Variants in AFF2 observed in about 807,000 individuals in gnomAD.
AFF2 encodes AF4/FMR2 family member 2.
AFF2 carries 14 observed loss-of-function variants against 76.9 expected under a neutral mutation model. The ratio of observed to expected loss-of-function variants is 0.18; its 90% confidence interval spans 0.12 to 0.28. The LOEUF (loss-of-function observed/expected upper bound fraction) is 0.28, where lower values mean the gene tolerates loss of function less well. Ranked by LOEUF, AFF2 falls within the 10% of genes least tolerant of loss-of-function variation. The probability of loss-of-function intolerance (pLI) is 1.00; values close to 1 mark genes in which losing one functional copy is unlikely to be tolerated. For synonymous variants in AFF2, 398 were observed against 366.7 expected, an observed-to-expected ratio of 1.09 and a Z score of -0.98; for missense variants, 868 against 1,001.1, an observed-to-expected ratio of 0.87 and a Z score of 1.79.
chrX:148,628,101 C>CAG (rs1557252362), intron 1 of AFF2, among the ~76,000 whole-genome samples: 1 of 111,166 alleles, frequency 9.0e-6, no homozygotes, highest in Non-Finnish European at 1.9e-5. Context: ...CAGCAGAATT[C>CAG]AGAGCTGGTG....
chrX:148,986,950 T>C (rs559530663), intron 19 of AFF2, among the ~76,000 whole-genome samples: 2 of 111,644 alleles, frequency 1.8e-5, no homozygotes, highest in Admixed American at 9.5e-5. Flanking sequence ...ACAAAAGCAG[T>C]GGTGTGCATG....
Position 148,652,118 on chromosome X carries a change from A to C in AFF2, c.167A>C (p.Lys56Thr). Residue 56 changes from lysine to threonine, a missense_variant, in exon 2 of 21, where the codon AAG becomes ACG. Lys to Thr is a moderately conservative substitution (Grantham distance 78). Transcript: ENST00000370460. The part of the protein sequence containing the change: ...SGFDLFGEPY[K>T]VAEYTNKGDA... ...TTTGATCTTTTTGGGGAGCCATACA[A>C]GGTAGCTGAATATGTATGTAATTTT... 1 of 1,196,796 alleles carries C rather than the reference A, an allele frequency of 8.4e-7. No homozygotes were observed. The highest frequency in any genetic ancestry group is 1.1e-6 in the Non-Finnish European group (1 of 885,811).
At chrX:148,537,868 C>T (rs782406010) in intron 1 of AFF2, among the ~76,000 whole-genome samples, 3 of 112,070 alleles carry the variant, frequency 2.7e-5, no homozygotes, top group South Asian at 7.4e-4. Flanking sequence ...CCCCATCAGT[C>T]GCATCAAGAT....
intron 1 of AFF2, chrX:148,547,501 C>A (rs1187436244): frequency 8.9e-6 from 1 of 112,080 alleles, no homozygotes; most frequent in African/African-American, 3.2e-5. Flanking sequence ...TGGCTGGCTG[C>A]AGACAGGCAG....
intron 3 of AFF2, among the ~76,000 whole-genome samples, chrX:148,675,839 C>G (rs1344126902): frequency 9.1e-6 from 1 of 109,586 alleles, no homozygotes; most frequent in Non-Finnish European, 1.9e-5. Context: ...AGATAAGAAG[C>G]TCTAACTTCC....
intron 7 of AFF2, among the ~76,000 whole-genome samples, chrX:148,884,720 G>T (rs1011234576): frequency 1.1e-4 from 12 of 112,511 alleles, no homozygotes; most frequent in Admixed American, 7.5e-4. Context: ...GGGAATTACG[G>T]ACTAGTGGGG....
chrX:148,809,585 T>C (rs782659234), intron 3 of AFF2, among the ~76,000 whole-genome samples: 3 of 111,671 alleles, frequency 2.7e-5, no homozygotes, highest in Non-Finnish European at 1.9e-5. Context: ...GAGATCAAGC[T>C]CTCTTTGGAT....
At chrX:148,651,608 T>C (rs1402036621) in intron 1 of AFF2, among the ~76,000 whole-genome samples, 1 of 111,941 alleles carries the variant, frequency 8.9e-6, no homozygotes, top group African/African-American at 3.2e-5. Flanking sequence ...CCTTAGGACT[T>C]TGTGACATCT....
rs549267785 is a variant in AFF2 at position 148,931,946 on chromosome X, C to T, written c.1398-21634C>T. On this transcript the variant is annotated intron_variant, in intron 9 of 20. Coordinates refer to ENST00000370460, the MANE Select transcript of AFF2 (RefSeq NM_002025.4). The stretch of plus-strand genomic sequence containing the variant: ...CTACTGCTGATATCAGGAAACACGT[C>T]TTAGGCTAACGTCATCCTCAGTATG... Among the ~76,000 whole-genome samples the T allele has an allele frequency of 8.9e-5, 10 of 111,883 alleles. No individual in the cohort carries two copies. In the South Asian group the frequency reaches 3.8e-3, roughly 43 times the overall value.
intron 1 of AFF2, among the ~76,000 whole-genome samples, chrX:148,548,111 A>T (rs782740571): frequency 2.7e-5 from 3 of 112,486 alleles, no homozygotes; most frequent in Non-Finnish European, 5.6e-5. Flanking sequence ...GCCTAAAATT[A>T]TTTCAGCAAG....
At chrX:148,955,009 C>T (rs1223410391) in intron 10 of AFF2, among the ~76,000 whole-genome samples, 2 of 112,476 alleles carry the variant, frequency 1.8e-5, no homozygotes, top group East Asian at 5.6e-4. Context: ...TTGGTTATTG[C>T]CCATACACCG....
chrX:148,862,276 G>A (rs1603318796), intron 7 of AFF2, among the ~76,000 whole-genome samples: 1 of 111,147 alleles, frequency 9.0e-6, no homozygotes, highest in Middle Eastern at 4.6e-3. Flanking sequence ...ATCTAAGCAT[G>A]TGGATCGTCC....
intron 7 of AFF2, among the ~76,000 whole-genome samples, chrX:148,857,331 G>A (rs1557275984): frequency 9.0e-6 from 1 of 111,273 alleles, no homozygotes; most frequent in African/African-American, 3.3e-5. Context: ...ACTTTCTTCA[G>A]GCCCAATAGA....
intron 1 of AFF2, among the ~76,000 whole-genome samples, chrX:148,627,762 A>T (rs1310516710): frequency 9.1e-6 from 1 of 109,942 alleles, no homozygotes; most frequent in Admixed American, 9.7e-5. Flanking sequence ...AAATTGATTA[A>T]AGAAATGAGC....
At chrX:148,595,747 A>G (rs979108014) in intron 1 of AFF2, among the ~76,000 whole-genome samples, 3 of 111,967 alleles carry the variant, frequency 2.7e-5, no homozygotes, top group Non-Finnish European at 3.8e-5. Context: ...TTTGACGTAA[A>G]TATGTTGGGA....
chrX:148,701,012 ATGTGTG>A (rs10675200), intron 3 of AFF2, among the ~76,000 whole-genome samples: 33 of 73,735 alleles, frequency 4.5e-4, no homozygotes, highest in Middle Eastern at 8.0e-3. Flanking sequence ...GAGAGAGAGA[ATGTGTG>A]TGTGTGTGTG....
chrX:148,700,070 C>G (rs965195529), intron 3 of AFF2, among the ~76,000 whole-genome samples: 1 of 111,329 alleles, frequency 9.0e-6, no homozygotes, highest in African/African-American at 3.3e-5. Context: ...ATGTGATTCT[C>G]AAAATATCAG....
At chrX:148,629,400 G>C (rs1557252710) in intron 1 of AFF2, among the ~76,000 whole-genome samples, 2 of 111,851 alleles carry the variant, frequency 1.8e-5, no homozygotes, top group Non-Finnish European at 1.9e-5. Flanking sequence ...TTGATTAATT[G>C]CATCATTAAT....
intron 3 of AFF2, among the ~76,000 whole-genome samples, chrX:148,740,294 G>A (rs1557265504): frequency 8.9e-6 from 1 of 111,785 alleles, no homozygotes; most frequent in Non-Finnish European, 1.9e-5. Context: ...ATTATTCTTA[G>A]GTTCAGTCAT....
Sources: allele counts gnomAD v4.1 joint callset (sites outside exome capture counted in the v4.1 genomes callset), GRCh38; gene constraint gnomAD v4.1.1; transcripts MANE v1.5; gene names NCBI Gene and HGNC (gene_info 2026-07-23, HGNC 2026-07-21).